SOS1: variants seen among roughly 807,000 people sequenced by gnomAD.
The protein encoded by SOS1 is son of sevenless homolog 1.
Under a neutral mutation model 157.6 loss-of-function variants are expected in SOS1, and 25 were observed. The observed-to-expected ratio is 0.16, with a 90% CI of 0.12 to 0.22. The LOEUF (loss-of-function observed/expected upper bound fraction) is 0.22, where lower values mean the gene tolerates loss of function less well. Ranked by LOEUF, SOS1 falls within the 10% of genes least tolerant of loss-of-function variation. The pLI, the probability that SOS1 is intolerant of heterozygous loss-of-function variation, is 1.00. For synonymous variants in SOS1, 528 were observed against 534.0 expected (o/e 0.99, Z 0.16); for missense variants, 1,237 against 1,599.1 (o/e 0.77, Z 3.86).
At chr2:39,071,395 G>C (rs1671788792) in intron 1 of SOS1, among the ~76,000 whole-genome samples, 1 of 152,036 alleles carries the variant, frequency 6.6e-6, no homozygotes, top group Non-Finnish European at 1.5e-5. Flanking sequence ...GAAGTATGTT[G>C]TCATACTATT....
At chr2:39,006,317 C>T (rs987726075) in intron 17 of SOS1, 95 bp downstream of exon 17, 5 of 783,640 alleles carry the variant, frequency 6.4e-6, no homozygotes, top group Admixed American at 3.5e-5. Context: ...GTATTTTCTG[C>T]TGGCATATTA....
In SOS1 at chr2:38,986,035, G is replaced by T. The variant is rs1194895614; in HGVS notation, c.3791C>A (p.Pro1264His). The stretch of plus-strand genomic sequence containing the variant: ...ATGCCTTCTTGTGCCGTGAGGAGAA[G>T]GTGTTTGAGGAGGAGGTGGTGTAAA... ...SPFTPPPPQT[P>H]SPHGTRRHLP... Residue 1264 changes from proline (P) to histidine (H), a missense_variant, in exon 23 of 23, where the codon CCT becomes CAT. By Grantham distance (77) the Pro-to-His change is moderately conservative. This residue lies in a region of SOS1 where 306 missense variants were observed against 322.6 expected (regional missense o/e 0.95). Transcript: ENST00000402219. 6.2e-7 allele frequency: 1 copy of T among 1,613,968 alleles called. No homozygotes were observed. The highest frequency in any genetic ancestry group is 8.5e-7 in the Non-Finnish European group (1 of 1,179,916).
At chr2:39,010,851 CA>C (rs1356765586) in intron 14 of SOS1, 148 bp from the exon 15 acceptor site, 8 of 610,182 alleles carry the variant, frequency 1.3e-5, no homozygotes, top group African/African-American at 9.5e-5. Flanking sequence ...CAAGGTATAA[CA>C]AAAAAGTGTA....
chr2:39,001,941 C>G (rs1432716824), intron 17 of SOS1, among the ~76,000 whole-genome samples: 1 of 152,206 alleles, frequency 6.6e-6, no homozygotes, highest in Non-Finnish European at 1.5e-5. Flanking sequence ...TTTGTATTCA[C>G]TCAATAAATC....
At chr2:39,034,892 A>G (rs1426642283) in intron 8 of SOS1, 6 of 477,886 alleles carry the variant, frequency 1.3e-5, no homozygotes, top group African/African-American at 1.2e-4. Context: ...GTTTTCAAAG[A>G]ATCAGCCATG....
intron 2 of SOS1, among the ~76,000 whole-genome samples, chr2:39,060,160 C>T (rs1364327649): frequency 2.0e-5 from 3 of 152,150 alleles, no homozygotes; most frequent in Non-Finnish European, 4.4e-5. Context: ...TTAGGACTAA[C>T]TTACGTGGTT....
At chr2:38,996,886 G>A (rs757101277) in intron 19 of SOS1, 36 bp downstream of exon 19, 12 of 1,005,110 alleles carry the variant, frequency 1.2e-5, no homozygotes, top group Middle Eastern at 2.1e-4. Flanking sequence ...ACATATGGTA[G>A]TAATGACATC....
chr2:39,040,581 T>C (rs1426768705), intron 6 of SOS1, among the ~76,000 whole-genome samples: 3 of 152,218 alleles, frequency 2.0e-5, no homozygotes, highest in Non-Finnish European at 4.4e-5. Context: ...ACATACAATA[T>C]TGTCCTTTTG....
At chr2:39,072,369 A>C (rs2148149960) in intron 1 of SOS1, among the ~76,000 whole-genome samples, 1 of 152,258 alleles carries the variant, frequency 6.6e-6, no homozygotes, top group African/African-American at 2.4e-5. Context: ...GGAATAAAAT[A>C]TTTCTTTCTT....
intron 1 of SOS1, among the ~76,000 whole-genome samples, chr2:39,104,467 G>A (rs975248256): frequency 6.6e-6 from 1 of 152,138 alleles, no homozygotes; most frequent in Non-Finnish European, 1.5e-5. Flanking sequence ...AGCAAGTGTG[G>A]GCAAGGAGGT....
intron 9 of SOS1, 62 bp from the exon 10 acceptor site, chr2:39,023,287 G>A: frequency 8.1e-7 from 1 of 1,228,452 alleles, no homozygotes; most frequent in Admixed American, 1.9e-5. Flanking sequence ...GCTCATGTAA[G>A]TAAGGGAAAG....
chr2:39,005,736 T>A (rs1669263583), intron 17 of SOS1, among the ~76,000 whole-genome samples: 1 of 151,862 alleles, frequency 6.6e-6, no homozygotes, highest in African/African-American at 2.4e-5. Context: ...TAGAAGAAAC[T>A]ATAGCACATA....
intron 2 of SOS1, 109 bp from the exon 3 acceptor site, chr2:39,058,913 G>A (rs1050098611): frequency 1.2e-6 from 1 of 841,874 alleles, no homozygotes; most frequent in African/African-American, 1.7e-5. Flanking sequence ...CTTTTCACAT[G>A]TGGTATAATT....
At chr2:39,065,975 T>G (rs1671575851) in intron 2 of SOS1, among the ~76,000 whole-genome samples, 1 of 152,234 alleles carries the variant, frequency 6.6e-6, no homozygotes, top group South Asian at 2.1e-4. Flanking sequence ...CATAATACTA[T>G]ATAGCAAACC....
intron 1 of SOS1, among the ~76,000 whole-genome samples, chr2:39,103,765 C>A (rs530051881): frequency 7.4e-4 from 112 of 152,166 alleles, no homozygotes; most frequent in African/African-American, 2.6e-3. Context: ...ACAAAAAGCA[C>A]AAGACAATGA....
At chr2:39,017,658 C>CA (rs1430328465) in intron 10 of SOS1, among the ~76,000 whole-genome samples, 1 of 151,876 alleles carries the variant, frequency 6.6e-6, no homozygotes, top group Non-Finnish European at 1.5e-5. Context: ...TAAGTACTTT[C>CA]AAAAAATATC....
At chr2:39,033,221 G>GAAAAAAAAAA (rs11383706) in intron 8 of SOS1, among the ~76,000 whole-genome samples, 1 of 124,460 alleles carries the variant, frequency 8.0e-6, no homozygotes. Context: ...TAGGTGTGCA[G>GAAAAAAAAAA]AAAAAAAAAA....
rs1673855367 is a variant in SOS1, at chr2:39,120,863, G to A, written c.-441C>T. On this transcript the variant is annotated 5_prime_UTR_variant, in exon 1 of 23. Transcript: ENST00000402219. ...GCCGCGGCGCCCGCTCCGCGTAGTT[G>A]GGACTCCGAAACGCAAGAGCCCCGG... The A allele has an allele frequency of 6.5e-6, 1 of 152,772 alleles. No individual in the cohort carries two copies. Among genetic ancestry groups the A allele is most frequent in the Admixed American group, 6.6e-5 (1 of 15,256 alleles). 9.5% of individuals were successfully genotyped at this position (152,772 alleles called of 1,614,324 possible). A position where few individuals can be genotyped will look rare whatever the true frequency, so the allele number is the denominator to read the frequency against.
At chr2:39,121,159 G>A (rs184259916), upstream of SOS1, 742 of 153,114 alleles carry the variant, frequency 4.8e-3, 3 homozygotes, top group Non-Finnish European at 6.3e-3. Context: ...GAGGGCGCCC[G>A]GCCGGGCTGT....
Sources: gnomAD v4.1 joint callset for allele counts (sites outside exome capture counted in the v4.1 genomes callset) on GRCh38, gnomAD v4.1.1 for gene constraint, gnomAD v4.1.1 regional missense constraint, MANE v1.5 for transcripts, NCBI Gene and HGNC (gene_info 2026-07-23, HGNC 2026-07-21) for gene names.